Variants in LUZP1 observed in about 807,000 individuals in gnomAD.
LUZP1 encodes leucine zipper protein 1.
Under a neutral mutation model 71.3 loss-of-function variants are expected in LUZP1, and 25 were observed. The ratio of observed to expected loss-of-function variants is 0.35; its 90% confidence interval spans 0.26 to 0.49. LUZP1 has a LOEUF of 0.49. Among genes scored for constraint, LUZP1 ranks in the 20% least tolerant of loss-of-function variants. LUZP1 has a pLI of 0.99. For missense variants in LUZP1, 1,142 were observed against 1,300.8 expected (o/e 0.88, Z 1.88); for synonymous variants, 481 against 506.4 (o/e 0.95, Z 0.67).
At chr1:23,161,616 TAAG>T (rs1644466790) in intron 2 of LUZP1, among the ~76,000 whole-genome samples, 1 of 151,776 alleles carries the variant, frequency 6.6e-6, no homozygotes, top group Non-Finnish European at 1.5e-5. Context: ...AGAATAAAAA[TAAG>T]AAGTTAGCGT....
intron 2 of LUZP1, among the ~76,000 whole-genome samples, chr1:23,124,448 T>C (rs1040825155): frequency 6.6e-6 from 1 of 152,150 alleles, no homozygotes; most frequent in Non-Finnish European, 1.5e-5. Flanking sequence ...AGTAAACATA[T>C]GGTACCAAGC....
At chr1:23,118,992 G>A (rs932526031) in intron 2 of LUZP1, among the ~76,000 whole-genome samples, 1 of 152,088 alleles carries the variant, frequency 6.6e-6, no homozygotes, top group African/African-American at 2.4e-5. Context: ...TTGCATTACA[G>A]GTTTATCTGA....
intron 2 of LUZP1, among the ~76,000 whole-genome samples, chr1:23,154,507 C>T (rs1349816321): frequency 6.6e-6 from 1 of 152,074 alleles, no homozygotes. Context: ...ATACTGCATT[C>T]CAGCCTAGGG....
intron 3 of LUZP1, among the ~76,000 whole-genome samples, chr1:23,107,139 A>G (rs1311492173): frequency 6.6e-6 from 1 of 152,132 alleles, no homozygotes; most frequent in Non-Finnish European, 1.5e-5. Context: ...ATATCTCCCT[A>G]GCTGGACTCC....
chr1:23,148,638 G>C (rs1488303451), intron 2 of LUZP1, among the ~76,000 whole-genome samples: 1 of 152,110 alleles, frequency 6.6e-6, no homozygotes, highest in Non-Finnish European at 1.5e-5. Context: ...GATTCTCAGT[G>C]TAATTATTTT....
chr1:23,121,437 G>C (rs2124667460), intron 2 of LUZP1, among the ~76,000 whole-genome samples: 1 of 152,186 alleles, frequency 6.6e-6, no homozygotes, highest in East Asian at 1.9e-4. Flanking sequence ...AAAATACATA[G>C]GCTAGGCACA....
At chr1:23,091,411 C>T (rs753774095) in exon 4 of LUZP1, 65 of 1,614,032 alleles carry the variant, frequency 4.0e-5, no homozygotes, top group Non-Finnish European at 5.3e-5. Flanking sequence ...TGGGTGTAGG[C>T]ATTGCTATTG....
exon 4 of LUZP1, chr1:23,091,440 C>T (rs1643851707): frequency 6.2e-7 from 1 of 1,614,126 alleles, no homozygotes; most frequent in Non-Finnish European, 8.5e-7. Flanking sequence ...CACGTTTTTA[C>T]CTATTCGAGT....
rs1433629760 is a variant in LUZP1 at position 23,094,834 on chromosome 1, A to C, written c.-119-454T>G. ...GGTAACAAAGCAATAAACAATCCTA[A>C]GATTTTTTTTTTTAAAGATTATCTC... On this transcript the variant is annotated intron_variant, in intron 3 of 4. Transcript: ENST00000302291. The surrounding 1 kb of genome is among the most constrained non-coding windows in gnomAD (Gnocchi z 4.7). Among the ~76,000 whole-genome samples, 1 of 152,068 alleles carries C rather than the reference A, an allele frequency of 6.6e-6. No individual in the cohort carries two copies. Among genetic ancestry groups the C allele is most frequent in the Non-Finnish European group, 1.5e-5 (1 of 68,024 alleles).
At position 23,094,382 on chromosome 1, in the gene LUZP1, T is replaced by A; in HGVS notation, c.-119-2A>T. The stretch of plus-strand genomic sequence containing the variant: ...TGACAGCTGGAGACCATCATCAATC[T>A]ACAAAAGGAAAGTAGAAAGCATGTC... On this transcript the variant is annotated splice_acceptor_variant, in intron 3 of 4. Transcript: ENST00000302291. LOFTEE classifies it low-confidence loss of function (5UTR_SPLICE). The surrounding 1 kb of genome is among the most constrained non-coding windows in gnomAD (Gnocchi z 4.7). 6.9e-7 allele frequency: 1 copy of A among 1,453,774 alleles called. No individual in the cohort carries two copies. The highest frequency in any genetic ancestry group is 9.0e-7 in the Non-Finnish European group (1 of 1,108,352). 90.1% of individuals were successfully genotyped at this position (1,453,774 alleles called of 1,614,324 possible).
chr1:23,116,599 C>A (rs1323757149), intron 2 of LUZP1, among the ~76,000 whole-genome samples: 43 of 139,684 alleles, frequency 3.1e-4, no homozygotes, highest in South Asian at 2.3e-4. Context: ...AAAAAAAAGG[C>A]AAAGAGAAGA....
At chr1:23,088,243 C>T (rs553676564) in exon 5 of LUZP1, 7 of 152,870 alleles carry the variant, frequency 4.6e-5, no homozygotes, top group African/African-American at 1.7e-4. Flanking sequence ...AATGGGTATC[C>T]GCATGAGTAT....
At chr1:23,176,182 C>T (rs533310648) in intron 1 of LUZP1, among the ~76,000 whole-genome samples, 1 of 152,032 alleles carries the variant, frequency 6.6e-6, no homozygotes, top group African/African-American at 2.4e-5. Context: ...CTGCCTCAGC[C>T]TCCCGAGTAG....
chr1:23,085,327 C>A (rs765528153), exon 5 of LUZP1: 1 of 152,572 alleles, frequency 6.6e-6, no homozygotes, highest in Non-Finnish European at 1.5e-5. Context: ...AGACTTTATT[C>A]TCTTAAAAAT....
At chr1:23,148,767 A>C (rs1240108968) in intron 2 of LUZP1, among the ~76,000 whole-genome samples, 10 of 152,186 alleles carry the variant, frequency 6.6e-5, no homozygotes, top group Admixed American at 6.5e-4. Flanking sequence ...GAGCAGTTCA[A>C]ATCTAACAAG....
chr1:23,088,940 G>A (rs763976411), exon 5 of LUZP1: 13 of 1,614,006 alleles, frequency 8.1e-6, no homozygotes, highest in South Asian at 4.4e-5. Context: ...ATCGTTCCTC[G>A]GCCCGTACTC....
intron 3 of LUZP1, among the ~76,000 whole-genome samples, chr1:23,097,261 A>G (rs912776540): frequency 3.9e-5 from 6 of 152,192 alleles, no homozygotes; most frequent in African/African-American, 1.4e-4. Flanking sequence ...AAGCAAAAAC[A>G]TCCCAAACAC....
rs114372408 is a variant in LUZP1 at position 23,142,608 on chromosome 1, G to A, written c.-226+26158C>T. Among the ~76,000 whole-genome samples the A allele has an allele frequency of 3.6e-3, 550 of 151,886 alleles. 8 individuals carry two copies. The highest frequency in any genetic ancestry group is 0.012 in the African/African-American group (499 of 41,356). On this transcript the variant is annotated intron_variant, in intron 2 of 4. Coordinates refer to ENST00000302291, the Ensembl canonical transcript of LUZP1. ...GCCAGAATTACACATTACAGCTTGC[G>A]AGAACAGAGCCCTGGTGGTCTGGCT...
chr1:23,118,259 T>C (rs549967216), intron 2 of LUZP1, among the ~76,000 whole-genome samples: 1 of 151,398 alleles, frequency 6.6e-6, no homozygotes, highest in Admixed American at 6.6e-5. Context: ...TAGCTAGGCA[T>C]GGTGGCACAC....
Sources: allele counts gnomAD v4.1 joint callset (sites outside exome capture counted in the v4.1 genomes callset), GRCh38; gene constraint gnomAD v4.1.1; non-coding constraint Gnocchi (gnomAD v3.1); transcripts MANE v1.5; gene names NCBI Gene and HGNC (gene_info 2026-07-23, HGNC 2026-07-21).